The following PDZD2 variants were observed in gnomAD, a reference collection of about 807,000 sequenced individuals.
The protein encoded by PDZD2 is PDZ domain containing 2, also known as PDZ domain-containing protein 2.
PDZD2 carries 90 observed loss-of-function variants against 220.7 expected under a neutral mutation model. That is an observed-to-expected ratio of 0.41 (90% CI 0.34 to 0.49). The LOEUF (loss-of-function observed/expected upper bound fraction) is 0.49, where lower values mean the gene tolerates loss of function less well. PDZD2 is among the 20% of genes least tolerant of loss of function. The probability of loss-of-function intolerance (pLI) is 0.28; values close to 1 mark genes in which losing one functional copy is unlikely to be tolerated. For synonymous variants in PDZD2, 1,375 were observed against 1,450.5 expected, an observed-to-expected ratio of 0.95 and a Z score of 1.18; for missense variants, 3,174 against 3,608.5, an observed-to-expected ratio of 0.88 and a Z score of 3.08.
chr5:31,657,860 A>G (rs1745608566), intron 1 of PDZD2, among the ~76,000 whole-genome samples: 1 of 152,216 alleles, frequency 6.6e-6, no homozygotes. Context: ...AGGCATTAGT[A>G]GAAGAGATGT....
Position 32,057,986 on chromosome 5 carries a change from T to A in PDZD2, c.2083T>A (p.Phe695Ile), listed in dbSNP as rs1739254037. Reference protein sequence around the residue: ...THMSRSASPNFNTSGGASAGG... With the variant: ...THMSRSASPNINTSGGASAGG... Reference sequence around the variant, plus strand: ...CATGAGCAGATCCGCCTCCCCGAACTTCAATACCAGTGGGGGAGCCTCAGC... The same window carrying A: ...CATGAGCAGATCCGCCTCCCCGAACATCAATACCAGTGGGGGAGCCTCAGC... The change falls in exon 12 of 25, where the codon TTC (phenylalanine) becomes ATC (isoleucine). Residue 695 changes from phenylalanine to isoleucine, a missense_variant. Phe to Ile is a conservative substitution (Grantham distance 21). Transcript: ENST00000438447. 3.1e-6 allele frequency: 5 copies of A among 1,613,562 alleles called. No individual in the cohort carries two copies. The highest frequency in any genetic ancestry group is 4.2e-6 in the Non-Finnish European group (5 of 1,179,594).
At position 32,090,532 on chromosome 5, in the gene PDZD2, T is replaced by A; in HGVS notation, c.7084T>A (p.Ser2362Thr). The change falls in exon 20 of 25, where the codon TCG becomes ACG. Residue 2362 changes from serine to threonine, a missense_variant. By Grantham distance (58) the Ser-to-Thr change is moderately conservative (BLOSUM62 1). Transcript: ENST00000438447. This position sits in a 1 kb window ranked among gnomAD's most constrained non-coding sequence, Gnocchi z 4.3. ...VAKSGASPFL[S>T]VSSKPPIGRR... The stretch of plus-strand genomic sequence containing the variant: ...CAAGTCCGGGGCTTCCCCATTTTTG[T>A]CGGTGAGCTCCAAGCCTCCCATTGG... 6 of 1,613,920 alleles carry A rather than the reference T, an allele frequency of 3.7e-6. No homozygotes were observed. The highest frequency in any genetic ancestry group is 5.1e-6 in the Non-Finnish European group (6 of 1,179,974).
chr5:31,972,747 G>A (rs1749421033), intron 2 of PDZD2, among the ~76,000 whole-genome samples: 1 of 152,188 alleles, frequency 6.6e-6, no homozygotes. Flanking sequence ...TCCCTGATGA[G>A]GTGAGACTGA....
At chr5:31,775,429 T>C (rs1188913158) in intron 1 of PDZD2, among the ~76,000 whole-genome samples, 1 of 152,094 alleles carries the variant, frequency 6.6e-6, no homozygotes, top group African/African-American at 2.4e-5. Context: ...TAGAGACAAT[T>C]TTCTCCTTTG....
intron 1 of PDZD2, among the ~76,000 whole-genome samples, chr5:31,720,102 A>T (rs146880566): frequency 6.6e-6 from 1 of 152,306 alleles, no homozygotes; most frequent in African/African-American, 2.4e-5. Context: ...TGTCTCCTGA[A>T]GTTGGGTGTC....
intron 2 of PDZD2, among the ~76,000 whole-genome samples, chr5:31,967,409 T>G (rs1348818450): frequency 1.3e-5 from 2 of 152,198 alleles, no homozygotes; most frequent in Non-Finnish European, 2.9e-5. Context: ...TGGCCCGTTG[T>G]GACCTGTTGG....
chr5:32,101,825 G>A (rs558413898), intron 24 of PDZD2, among the ~76,000 whole-genome samples: 2 of 152,102 alleles, frequency 1.3e-5, no homozygotes, highest in South Asian at 4.1e-4. Context: ...TTTGGTCTTG[G>A]GCGGTTTTTC....
intron 1 of PDZD2, among the ~76,000 whole-genome samples, chr5:31,781,235 A>G (rs1350740422): frequency 6.6e-6 from 1 of 152,172 alleles, no homozygotes; most frequent in Non-Finnish European, 1.5e-5. Context: ...CCAACGTGGT[A>G]AAACCCTGTC....
chr5:31,881,326 ATG>A (rs67969355), intron 2 of PDZD2, among the ~76,000 whole-genome samples: 32,253 of 122,476 alleles, frequency 0.26, 4,094 homozygotes, highest in South Asian at 0.31. Flanking sequence ...TTCCATATAT[ATG>A]TGTGTGTGTG....
intron 2 of PDZD2, among the ~76,000 whole-genome samples, chr5:31,862,593 C>T (rs1330570898): frequency 6.7e-6 from 1 of 149,818 alleles, no homozygotes; most frequent in Non-Finnish European, 1.5e-5. Context: ...AGGAGTTTCA[C>T]TCTGATCCCC....
intron 1 of PDZD2, among the ~76,000 whole-genome samples, chr5:31,665,265 G>T (rs1450468035): frequency 6.6e-6 from 1 of 151,892 alleles, no homozygotes; most frequent in Non-Finnish European, 1.5e-5. Context: ...TCACACCATT[G>T]CACCTGCTCT....
chr5:31,753,992 G>A (rs535927029), intron 1 of PDZD2, among the ~76,000 whole-genome samples: 2 of 152,242 alleles, frequency 1.3e-5, no homozygotes, highest in South Asian at 4.2e-4. Flanking sequence ...TATCATTATT[G>A]TAAGCCCGAA....
intron 1 of PDZD2, chr5:31,738,429 C>T (rs1325733768): frequency 1.3e-5 from 2 of 152,224 alleles, no homozygotes; most frequent in Admixed American, 1.3e-4. Context: ...GAGAGGGTGA[C>T]ACTATAGCGC....
intron 1 of PDZD2, among the ~76,000 whole-genome samples, chr5:31,764,627 C>T (rs1222709691): frequency 6.6e-6 from 1 of 152,188 alleles, no homozygotes; most frequent in African/African-American, 2.4e-5. Context: ...AAAGTTTTCC[C>T]ATGTCAGTAT....
At chr5:31,711,800 G>A (rs1238479538) in intron 1 of PDZD2, among the ~76,000 whole-genome samples, 2 of 152,220 alleles carry the variant, frequency 1.3e-5, no homozygotes, top group African/African-American at 4.8e-5. Context: ...TCTGCAGCAG[G>A]CCTGCAGGCT....
At chr5:31,959,212 T>C (rs949793785) in intron 2 of PDZD2, among the ~76,000 whole-genome samples, 2 of 151,486 alleles carry the variant, frequency 1.3e-5, no homozygotes, top group African/African-American at 4.8e-5. Flanking sequence ...ATTACAGGCA[T>C]GAGCCACTGC....
chr5:31,761,880 G>A (rs908585035), intron 1 of PDZD2, among the ~76,000 whole-genome samples: 1 of 151,834 alleles, frequency 6.6e-6, no homozygotes, highest in African/African-American at 2.4e-5. Context: ...AAAAAAGAGG[G>A]TTAATTGGCT....
chr5:31,939,168 G>A (rs1746011320), intron 2 of PDZD2, among the ~76,000 whole-genome samples: 1 of 152,146 alleles, frequency 6.6e-6, no homozygotes, highest in Non-Finnish European at 1.5e-5. Context: ...CGCTTGATGA[G>A]CCAGGTTGTC....
chr5:31,972,795 C>T (rs1270030489), intron 2 of PDZD2, among the ~76,000 whole-genome samples: 1 of 152,180 alleles, frequency 6.6e-6, no homozygotes, highest in Non-Finnish European at 1.5e-5. Flanking sequence ...CCCACCACTC[C>T]CTGTTGTACC....
Sources: gnomAD v4.1 joint callset for allele counts (sites outside exome capture counted in the v4.1 genomes callset) on GRCh38, gnomAD v4.1.1 for gene constraint, Gnocchi (gnomAD v3.1) non-coding constraint, MANE v1.5 for transcripts, NCBI Gene and HGNC (gene_info 2026-07-23, HGNC 2026-07-21) for gene names.